The following SNX29 variants were observed in gnomAD, a reference collection of about 807,000 sequenced individuals.
The protein encoded by SNX29 is sorting nexin-29.
SNX29 carries 78 observed loss-of-function variants against 102.1 expected under a neutral mutation model. The observed-to-expected ratio is 0.76, with a 90% CI of 0.64 to 0.92. SNX29 has a LOEUF of 0.92. Ranked by LOEUF, SNX29 falls within the 40% of genes least tolerant of loss-of-function variation. The pLI is 0.00. For synonymous variants in SNX29, 580 were observed against 414.5 expected (o/e 1.40, Z -4.85); for missense variants, 1,280 against 1,061.7 (o/e 1.21, Z -2.86).
intron 18 of SNX29, among the ~76,000 whole-genome samples, chr16:12,463,746 G>A (rs2086916429): frequency 6.6e-6 from 1 of 151,784 alleles, no homozygotes; most frequent in East Asian, 1.9e-4. Context: ...ACAACATGAT[G>A]GTTTGATGTA....
At chr16:12,118,524 T>G (rs2053836045) in intron 11 of SNX29, among the ~76,000 whole-genome samples, 1 of 151,934 alleles carries the variant, frequency 6.6e-6, no homozygotes, top group Non-Finnish European at 1.5e-5. Flanking sequence ...TTCACTGTGT[T>G]GGCCTGGTAT....
At chr16:12,013,542 T>TAGAGAGAGAGAGAGAGAGAGAG (rs1382498593) in intron 3 of SNX29, among the ~76,000 whole-genome samples, 13 of 109,072 alleles carry the variant, frequency 1.2e-4, no homozygotes, top group African/African-American at 3.5e-4. Flanking sequence ...TATATATATA[T>TAGAGAGAGAGAGAGAGAGAGAG]CGAGAGAGGA....
intron 19 of SNX29, among the ~76,000 whole-genome samples, chr16:12,521,772 G>A (rs1567649631): frequency 6.6e-6 from 1 of 152,140 alleles, no homozygotes; most frequent in Non-Finnish European, 1.5e-5. Flanking sequence ...GTTGAAACTT[G>A]GCAACCAAGG....
intron 19 of SNX29, among the ~76,000 whole-genome samples, chr16:12,508,318 G>C (rs983475294): frequency 2.6e-5 from 4 of 152,222 alleles, no homozygotes; most frequent in Non-Finnish European, 5.9e-5. Flanking sequence ...CTGTAGATAG[G>C]TGCTTGGCCT....
intron 19 of SNX29, among the ~76,000 whole-genome samples, chr16:12,484,994 A>G (rs1333694227): frequency 6.6e-6 from 1 of 152,250 alleles, no homozygotes; most frequent in African/African-American, 2.4e-5. Flanking sequence ...CTCACGGTCT[A>G]AATTAATGAA....
At chr16:12,362,024 C>T (rs1010389369) in intron 16 of SNX29, among the ~76,000 whole-genome samples, 4 of 152,130 alleles carry the variant, frequency 2.6e-5, no homozygotes, top group Admixed American at 2.0e-4. Context: ...ATGTTAATAA[C>T]GAGTAGCCTG....
chr16:12,563,702 G>A (rs946983840), intron 20 of SNX29, among the ~76,000 whole-genome samples: 1 of 152,170 alleles, frequency 6.6e-6, no homozygotes, highest in Admixed American at 6.5e-5. Context: ...TCATGTAAGA[G>A]GAACATGAGG....
chr16:12,250,543 A>T (rs1226276860), intron 14 of SNX29, among the ~76,000 whole-genome samples: 1 of 152,154 alleles, frequency 6.6e-6, no homozygotes, highest in Non-Finnish European at 1.5e-5. Flanking sequence ...CTTACCTCTC[A>T]CTTGCTCCAC....
chr16:12,567,780 A>G (rs1384773822), intron 20 of SNX29, among the ~76,000 whole-genome samples: 4 of 152,158 alleles, frequency 2.6e-5, no homozygotes, highest in Non-Finnish European at 5.9e-5. Context: ...CAATTTTGAA[A>G]AAATGCAACC....
intron 19 of SNX29, among the ~76,000 whole-genome samples, chr16:12,493,950 T>C (rs1251655972): frequency 6.6e-6 from 1 of 152,210 alleles, no homozygotes; most frequent in Non-Finnish European, 1.5e-5. Flanking sequence ...GATCTGCTCG[T>C]GATTTTTAGC....
chr16:12,148,198 C>G (rs1021582161), intron 13 of SNX29, among the ~76,000 whole-genome samples: 15 of 152,246 alleles, frequency 9.9e-5, no homozygotes, highest in African/African-American at 3.6e-4. Flanking sequence ...TCCCTGAGAG[C>G]TGAGCCACAC....
chr16:12,244,545 G>C (rs765652822), intron 14 of SNX29, among the ~76,000 whole-genome samples: 1 of 152,028 alleles, frequency 6.6e-6, no homozygotes, highest in South Asian at 2.1e-4. Flanking sequence ...GGGAGGCAGC[G>C]GTTGCAGTGA....
At chr16:12,476,091 C>A (rs1166769923) in intron 18 of SNX29, among the ~76,000 whole-genome samples, 1 of 151,802 alleles carries the variant, frequency 6.6e-6, no homozygotes, top group Non-Finnish European at 1.5e-5. Context: ...GAGGCCAAGG[C>A]AGGCAGATCA....
chr16:12,028,967 C>T (rs1008425239), intron 4 of SNX29, among the ~76,000 whole-genome samples: 3 of 152,100 alleles, frequency 2.0e-5, no homozygotes, highest in East Asian at 1.9e-4. Context: ...AGGCTGGTCT[C>T]GAACTCCTGA....
chr16:12,241,879 C>T (rs2078114184), intron 14 of SNX29, among the ~76,000 whole-genome samples: 2 of 152,152 alleles, frequency 1.3e-5, no homozygotes, highest in African/African-American at 4.8e-5. Flanking sequence ...GCAGCAGTTC[C>T]AGAACTTTCT....
intron 10 of SNX29, among the ~76,000 whole-genome samples, chr16:12,073,158 C>G (rs1220917248): frequency 2.0e-5 from 3 of 151,802 alleles, no homozygotes; most frequent in Admixed American, 6.6e-5. Flanking sequence ...TTTTTTGTGT[C>G]TCTATTTCCT....
In SNX29 at chr16:12,009,848, A is replaced by G. The variant is rs974426017; in HGVS notation, c.122+6805A>G. Among the ~76,000 whole-genome samples, 6 of 152,232 alleles carry G rather than the reference A, an allele frequency of 3.9e-5. No individual in the cohort carries two copies. In the East Asian group the frequency reaches 9.6e-4, roughly 24 times the overall value. ...ATGGCCCAGGAGCTTTGTAGGCCCT[A>G]GAAGTTACCTCAAAGACTAGAAACG... On this transcript the variant is annotated intron_variant, in intron 3 of 20. Coordinates refer to ENST00000566228, the MANE Select transcript of SNX29 (RefSeq NM_032167.5).
chr16:11,978,497 T>C (rs1436156330), intron 1 of SNX29, among the ~76,000 whole-genome samples: 2 of 152,202 alleles, frequency 1.3e-5, no homozygotes, highest in African/African-American at 4.8e-5. Context: ...AAGTGACTGG[T>C]ACTGTGAATA....
intron 20 of SNX29, among the ~76,000 whole-genome samples, chr16:12,563,567 C>G (rs1465658746): frequency 2.0e-5 from 3 of 152,192 alleles, no homozygotes; most frequent in East Asian, 3.9e-4. Flanking sequence ...CTACCCCACC[C>G]CTTTGGGTGG....
Sources: allele counts gnomAD v4.1 joint callset (sites outside exome capture counted in the v4.1 genomes callset), GRCh38; gene constraint gnomAD v4.1.1; transcripts MANE v1.5; gene names NCBI Gene and HGNC (gene_info 2026-07-23, HGNC 2026-07-21).